The following EPHB1 variants were observed in gnomAD, a reference collection of about 807,000 sequenced individuals.
The protein encoded by EPHB1 is ephrin type-B receptor 1.
EPHB1 carries 30 observed loss-of-function variants against 94.4 expected under a neutral mutation model. The observed-to-expected ratio is 0.32, with a 90% CI of 0.24 to 0.43. The LOEUF (loss-of-function observed/expected upper bound fraction) is 0.43. Ranked by LOEUF, EPHB1 falls within the 20% of genes least tolerant of loss-of-function variation. EPHB1 has a pLI of 1.00. For missense variants in EPHB1, 1,055 were observed against 1,308.3 expected, an observed-to-expected ratio of 0.81 and a Z score of 2.99; for synonymous variants, 522 against 489.1, an observed-to-expected ratio of 1.07 and a Z score of -0.89.
chr3:135,204,035 A>G (rs1467143382), intron 12 of EPHB1, among the ~76,000 whole-genome samples: 4 of 152,160 alleles, frequency 2.6e-5, no homozygotes, highest in Non-Finnish European at 5.9e-5. Flanking sequence ...TTGTAGGTAC[A>G]GAGCAAGTGT....
At chr3:135,023,860 A>G (rs575054229) in intron 3 of EPHB1, among the ~76,000 whole-genome samples, 36 of 151,994 alleles carry the variant, frequency 2.4e-4, no homozygotes, top group Non-Finnish European at 4.1e-4. Flanking sequence ...TTTTATGTGA[A>G]TTTTCTCACC....
chr3:135,052,943 GTATATA>G (rs796641061), intron 3 of EPHB1, among the ~76,000 whole-genome samples: 1 of 92,826 alleles, frequency 1.1e-5, no homozygotes, highest in African/African-American at 5.3e-5. Context: ...ATATATGTGT[GTATATA>G]TATATATGTG....
intron 12 of EPHB1, among the ~76,000 whole-genome samples, chr3:135,211,298 C>T (rs1373911613): frequency 6.6e-6 from 1 of 152,130 alleles, no homozygotes; most frequent in Admixed American, 6.6e-5. Flanking sequence ...GACAATGTTA[C>T]AATTTTTGCT....
At chr3:134,814,839 G>C (rs751431429) in intron 1 of EPHB1, among the ~76,000 whole-genome samples, 1 of 152,012 alleles carries the variant, frequency 6.6e-6, no homozygotes, top group South Asian at 2.1e-4. Context: ...CTTCACAGAC[G>C]GTCTTCTTTG....
At chr3:134,989,246 C>T (rs926479627) in intron 3 of EPHB1, among the ~76,000 whole-genome samples, 1 of 152,058 alleles carries the variant, frequency 6.6e-6, no homozygotes, top group Non-Finnish European at 1.5e-5. Flanking sequence ...ATTTACTGCA[C>T]CAGAGGGGGA....
chr3:135,120,500 G>A (rs1939906713), intron 4 of EPHB1, among the ~76,000 whole-genome samples: 1 of 152,180 alleles, frequency 6.6e-6, no homozygotes, highest in Non-Finnish European at 1.5e-5. Flanking sequence ...AGGGACTGTA[G>A]AGGGTGTTTG....
At chr3:135,119,524 T>C (rs1275796830) in intron 4 of EPHB1, among the ~76,000 whole-genome samples, 1 of 152,018 alleles carries the variant, frequency 6.6e-6, no homozygotes, top group East Asian at 1.9e-4. Context: ...GCAATCTAGG[T>C]TCACTGCAAC....
intron 4 of EPHB1, among the ~76,000 whole-genome samples, chr3:135,115,329 T>C (rs1422117698): frequency 6.6e-6 from 1 of 152,216 alleles, no homozygotes; most frequent in Non-Finnish European, 1.5e-5. Context: ...ATGCCGGAAC[T>C]TAATTGTTGC....
chr3:135,227,614 C>T (rs1235533373), intron 12 of EPHB1, among the ~76,000 whole-genome samples: 1 of 152,104 alleles, frequency 6.6e-6, no homozygotes, highest in Non-Finnish European at 1.5e-5. Flanking sequence ...GCTTCTGATG[C>T]TATGTTATTT....
intron 1 of EPHB1, among the ~76,000 whole-genome samples, chr3:134,872,639 A>T (rs2037524868): frequency 6.6e-6 from 1 of 152,224 alleles, no homozygotes; most frequent in African/African-American, 2.4e-5. Context: ...TGCTTTCTTG[A>T]CATCCAATTT....
At chr3:134,914,698 A>C (rs933695209) in intron 1 of EPHB1, among the ~76,000 whole-genome samples, 15 of 152,156 alleles carry the variant, frequency 9.9e-5, no homozygotes, top group Admixed American at 7.2e-4. Context: ...GAGATTAATG[A>C]AGTTCTGTTT....
chr3:134,893,602 A>T (rs1307254386), intron 1 of EPHB1, among the ~76,000 whole-genome samples: 1 of 152,178 alleles, frequency 6.6e-6, no homozygotes, highest in Non-Finnish European at 1.5e-5. Context: ...CTGTCTGACA[A>T]GTCCTACCCA....
At chr3:135,145,867 A>G (rs1467192167) in intron 5 of EPHB1, among the ~76,000 whole-genome samples, 1 of 152,152 alleles carries the variant, frequency 6.6e-6, no homozygotes, top group East Asian at 1.9e-4. Flanking sequence ...AAAGGCCAAT[A>G]TTCATGTTTG....
At chr3:135,114,610 G>C (rs997607690) in intron 4 of EPHB1, among the ~76,000 whole-genome samples, 1 of 145,992 alleles carries the variant, frequency 6.8e-6, no homozygotes, top group Non-Finnish European at 1.5e-5. Flanking sequence ...TGTAGTCCCA[G>C]CTACTCGGAG....
intron 3 of EPHB1, among the ~76,000 whole-genome samples, chr3:135,044,101 T>A (rs1302192263): frequency 6.6e-6 from 1 of 152,198 alleles, no homozygotes; most frequent in African/African-American, 2.4e-5. Context: ...CACTTACAAA[T>A]CACTAACTTA....
chr3:135,015,955 T>G (rs1415128750), intron 3 of EPHB1, among the ~76,000 whole-genome samples: 1 of 152,260 alleles, frequency 6.6e-6, no homozygotes, highest in African/African-American at 2.4e-5. Context: ...GATAGGACCA[T>G]GGGCTGGAAG....
At chr3:135,096,368 G>A (rs1938760834) in intron 3 of EPHB1, among the ~76,000 whole-genome samples, 3 of 152,212 alleles carry the variant, frequency 2.0e-5, no homozygotes, top group Admixed American at 2.0e-4. Flanking sequence ...GCCTAGAGCA[G>A]TGGTCCTCAG....
intron 3 of EPHB1, among the ~76,000 whole-genome samples, chr3:135,028,203 G>T (rs1936268138): frequency 6.8e-6 from 1 of 147,630 alleles, no homozygotes; most frequent in East Asian, 2.0e-4. Flanking sequence ...TTTTTGAAGG[G>T]TTTTTTGTGT....
At chr3:134,892,171 G>A (rs1435409848) in intron 1 of EPHB1, among the ~76,000 whole-genome samples, 1 of 152,248 alleles carries the variant, frequency 6.6e-6, no homozygotes, top group Non-Finnish European at 1.5e-5. Flanking sequence ...GATGTTCTAA[G>A]TGGTAGTTGA....
Sources: allele counts gnomAD v4.1 joint callset (sites outside exome capture counted in the v4.1 genomes callset), GRCh38; gene constraint gnomAD v4.1.1; transcripts MANE v1.5; gene names NCBI Gene and HGNC (gene_info 2026-07-23, HGNC 2026-07-21).